HMGB1: variants seen among roughly 807,000 people sequenced by gnomAD.
HMGB1 encodes high mobility group box 1.
For missense variants in HMGB1, 79 were observed against 253.5 expected, an observed-to-expected ratio of 0.31 and a Z score of 4.67; for synonymous variants, 81 against 84.0, an observed-to-expected ratio of 0.96 and a Z score of 0.19.
At chr13:30,612,616 A>G (rs965078242) in intron 1 of HMGB1, among the ~76,000 whole-genome samples, 1 of 152,220 alleles carries the variant, frequency 6.6e-6, no homozygotes. Flanking sequence ...AAATTAAATG[A>G]TGGCATGAAC....
chr13:30,600,379 G>C (rs1262877438), intron 1 of HMGB1, among the ~76,000 whole-genome samples: 2 of 152,008 alleles, frequency 1.3e-5, no homozygotes, highest in Non-Finnish European at 2.9e-5. Flanking sequence ...TTCTGGTGTA[G>C]GTCATTCAAA....
At chr13:30,470,091 T>G (rs1886885602), upstream of HMGB1, among the ~76,000 whole-genome samples, 1 of 151,972 alleles carries the variant, frequency 6.6e-6, no homozygotes, top group African/African-American at 2.4e-5. Context: ...GCTATTTTTT[T>G]TTTTGTAGAG....
At chr13:30,494,616 C>T (rs941538990) in intron 1 of HMGB1, among the ~76,000 whole-genome samples, 13 of 152,210 alleles carry the variant, frequency 8.5e-5, no homozygotes, top group Non-Finnish European at 1.2e-4. Context: ...CCGCCTTGGC[C>T]TTCCAAAGTG....
intron 1 of HMGB1, among the ~76,000 whole-genome samples, chr13:30,546,917 A>G (rs190958386): frequency 4.2e-4 from 64 of 152,312 alleles, no homozygotes; most frequent in Admixed American, 3.5e-3. Flanking sequence ...TACAACACAC[A>G]CATTTGTAGG....
At position 30,457,011 on chromosome 13, in the gene HMGB1, T is replaced by C. The variant is rs1886019652; in HGVS notation, c.*4346A>G. The C allele has an allele frequency of 6.6e-6, 1 of 152,170 alleles. No homozygotes were observed. The highest frequency in any genetic ancestry group is 2.1e-4 in the South Asian group (1 of 4,822). The allele number at this position is 152,170 out of a possible 1,614,324, so 9.4% of individuals were successfully genotyped here. A position where few individuals can be genotyped will look rare whatever the true frequency, so the allele number is the denominator to read the frequency against. ...TGAGATCGAAAAAAGAAAAAATATG[T>C]ATTATGGAGCACCATACTGTGGAAT... On this transcript the variant is annotated 3_prime_UTR_variant, in exon 5 of 5. Coordinates refer to ENST00000341423, the MANE Select transcript of HMGB1 (RefSeq NM_002128.7).
intron 1 of HMGB1, among the ~76,000 whole-genome samples, chr13:30,581,280 T>C (rs1320104420): frequency 6.6e-6 from 1 of 152,246 alleles, no homozygotes; most frequent in Non-Finnish European, 1.5e-5. Flanking sequence ...CTTCTTATCA[T>C]ATTCCATAAA....
At chr13:30,609,792 C>T (rs915910978) in intron 1 of HMGB1, among the ~76,000 whole-genome samples, 2 of 152,172 alleles carry the variant, frequency 1.3e-5, no homozygotes, top group African/African-American at 4.8e-5. Flanking sequence ...ATTCTTATGC[C>T]TCTGTGTTTT....
intron 1 of HMGB1, among the ~76,000 whole-genome samples, chr13:30,560,299 C>T (rs1389093591): frequency 2.0e-5 from 3 of 152,128 alleles, no homozygotes; most frequent in East Asian, 1.9e-4. Context: ...TCTAATGCCA[C>T]GAAGGCACAA....
intron 1 of HMGB1, among the ~76,000 whole-genome samples, chr13:30,483,689 C>T (rs960731992): frequency 2.7e-5 from 4 of 148,086 alleles, no homozygotes; most frequent in Non-Finnish European, 5.9e-5. Flanking sequence ...TCTGGGCTCA[C>T]TGCAGCCTCT....
At position 30,458,609 on chromosome 13, in the gene HMGB1, G is replaced by GT; in HGVS notation, c.*2747dup. 1 of 152,376 alleles carries GT rather than the reference G, an allele frequency of 6.6e-6. No homozygotes were observed. Among genetic ancestry groups the GT allele is most frequent in the East Asian group, 1.9e-4 (1 of 5,186 alleles). The allele number at this position is 152,376 out of a possible 1,614,324, so 9.4% of individuals were successfully genotyped here. A position where few individuals can be genotyped will look rare whatever the true frequency, so the allele number is the denominator to read the frequency against. On this transcript the variant is annotated 3_prime_UTR_variant, in exon 5 of 5. Coordinates refer to ENST00000341423, the MANE Select transcript of HMGB1 (RefSeq NM_002128.7). Reference sequence around the variant, plus strand: ...CTCCCAAAGTGCTGGGATTACAGGCGTGAGCCACTGCGCCCGGCCTCTCCT... The same window carrying GT: ...CTCCCAAAGTGCTGGGATTACAGGCGTTGAGCCACTGCGCCCGGCCTCTCCT...
intron 1 of HMGB1, among the ~76,000 whole-genome samples, chr13:30,588,873 C>T (rs1290576505): frequency 6.6e-5 from 10 of 151,920 alleles, no homozygotes; most frequent in Non-Finnish European, 1.3e-4. Context: ...GCCGACATCG[C>T]GCCACTGCAC....
At chr13:30,536,821 A>G (rs780360354) in intron 1 of HMGB1, among the ~76,000 whole-genome samples, 4 of 151,808 alleles carry the variant, frequency 2.6e-5, no homozygotes, top group African/African-American at 4.8e-5. Flanking sequence ...ATTTGTCACC[A>G]TACTCTCCAA....
chr13:30,486,955 A>G (rs555346397), intron 1 of HMGB1, among the ~76,000 whole-genome samples: 13 of 152,324 alleles, frequency 8.5e-5, no homozygotes, highest in African/African-American at 3.1e-4. Context: ...GGAGGGGAAT[A>G]AAAACCTCAT....
chr13:30,575,997 T>C (rs1870638806), intron 1 of HMGB1, among the ~76,000 whole-genome samples: 1 of 152,134 alleles, frequency 6.6e-6, no homozygotes, highest in African/African-American at 2.4e-5. Flanking sequence ...AGAATCCCTG[T>C]CTCTAGGCCC....
intron 1 of HMGB1, among the ~76,000 whole-genome samples, chr13:30,601,464 G>GGTAGAAT (rs1336496889): frequency 5.0e-5 from 2 of 40,010 alleles, no homozygotes; most frequent in African/African-American, 1.6e-3. Flanking sequence ...TGAGGGTTGT[G>GGTAGAAT]GCCGGGCGCG....
At chr13:30,591,118 C>A (rs1871349833) in intron 1 of HMGB1, among the ~76,000 whole-genome samples, 1 of 150,618 alleles carries the variant, frequency 6.6e-6, no homozygotes, top group Admixed American at 6.6e-5. Flanking sequence ...GCAACCTCCA[C>A]CTCCAGGGTT....
intron 1 of HMGB1, among the ~76,000 whole-genome samples, chr13:30,599,217 C>T (rs1871751320): frequency 6.6e-6 from 1 of 152,160 alleles, no homozygotes; most frequent in African/African-American, 2.4e-5. Context: ...GCCTGTAATC[C>T]CAGTACTTTA....
chr13:30,538,736 T>TTC (rs1166293461), intron 1 of HMGB1, among the ~76,000 whole-genome samples: 102 of 148,132 alleles, frequency 6.9e-4, no homozygotes, highest in African/African-American at 2.5e-3. Context: ...TTCTTTTTCT[T>TTC]TCTTTCTTCT....
At chr13:30,596,308 T>G (rs1446137351) in intron 1 of HMGB1, among the ~76,000 whole-genome samples, 1 of 152,212 alleles carries the variant, frequency 6.6e-6, no homozygotes, top group African/African-American at 2.4e-5. Flanking sequence ...GGCCCTACAA[T>G]TAGCATTCAC....
Sources: gnomAD v4.1 joint callset for allele counts (sites outside exome capture counted in the v4.1 genomes callset) on GRCh38, gnomAD v4.1.1 for gene constraint, MANE v1.5 for transcripts, NCBI Gene and HGNC (gene_info 2026-07-23, HGNC 2026-07-21) for gene names.